Variants in ARAP2 observed in about 807,000 individuals in gnomAD.
ARAP2 encodes the protein arf-GAP with Rho-GAP domain, ANK repeat and PH domain-containing protein 2.
A neutral mutation model predicts 194.5 loss-of-function variants in ARAP2; 148 were observed. The ratio of observed to expected loss-of-function variants is 0.76; its 90% CI spans 0.67 to 0.87. The LOEUF (loss-of-function observed/expected upper bound fraction) is 0.87, where lower values mean the gene tolerates loss of function less well. ARAP2 is among the 40% of genes least tolerant of loss of function. The probability of loss-of-function intolerance (pLI) is 0.00; values close to 1 mark genes in which losing one functional copy is unlikely to be tolerated. For missense variants in ARAP2, 2,128 were observed against 1,989.7 expected (o/e 1.07, Z -1.32); for synonymous variants, 695 against 683.5 (o/e 1.02, Z -0.26).
intron 2 of ARAP2, 117 bp downstream of exon 2, chr4:36,228,465 T>G: frequency 9.2e-7 from 1 of 1,090,200 alleles, no homozygotes; most frequent in South Asian, 1.9e-5. Flanking sequence ...AAAGGTTGGT[T>G]GAATAGGTAA....
chr4:36,233,453 A>G (rs1223157590), intron 1 of ARAP2, among the ~76,000 whole-genome samples: 2 of 152,174 alleles, frequency 1.3e-5, no homozygotes, highest in African/African-American at 2.4e-5. Context: ...TGGTAATTAC[A>G]GTCCTAAGTT....
intron 9 of ARAP2, among the ~76,000 whole-genome samples, chr4:36,174,985 G>A (rs2109839838): frequency 6.6e-6 from 1 of 152,256 alleles, no homozygotes; most frequent in East Asian, 1.9e-4. Context: ...GTATAAATTA[G>A]AGGCAAGAAA....
intron 19 of ARAP2, among the ~76,000 whole-genome samples, chr4:36,144,715 CA>C (rs1195586042): frequency 1.3e-5 from 2 of 151,752 alleles, no homozygotes; most frequent in Non-Finnish European, 2.9e-5. Context: ...TAAAAATAAT[CA>C]AATGAAGGCT....
At chr4:36,095,677 A>T (rs1714970286) in intron 27 of ARAP2, among the ~76,000 whole-genome samples, 1 of 152,202 alleles carries the variant, frequency 6.6e-6, no homozygotes, top group African/African-American at 2.4e-5. Context: ...GTAACACAAA[A>T]ACATTTTGTG....
chr4:36,176,524 G>A (rs1456228984), intron 9 of ARAP2, among the ~76,000 whole-genome samples: 2 of 152,104 alleles, frequency 1.3e-5, no homozygotes, highest in Non-Finnish European at 2.9e-5. Context: ...TCAGGTCTAT[G>A]CAAGTATAAA....
intron 26 of ARAP2, 46 bp from the exon 27 acceptor site, chr4:36,107,739 A>C (rs1309151323): frequency 6.5e-7 from 1 of 1,528,632 alleles, no homozygotes; most frequent in East Asian, 2.3e-5. Flanking sequence ...TATGAGGATA[A>C]CAATTTTTTA....
intron 32 of ARAP2, among the ~76,000 whole-genome samples, chr4:36,069,388 A>C (rs1472611333): frequency 6.6e-6 from 1 of 152,202 alleles, no homozygotes; most frequent in Non-Finnish European, 1.5e-5. Context: ...ATATGTTAAA[A>C]TACTAAGAAA....
rs370508431 is a variant in ARAP2, at chr4:36,148,514, C to A, written c.2898-7G>T. 1.2e-6 allele frequency: 2 copies of A among 1,602,812 alleles called. No homozygotes were observed. The highest frequency in any genetic ancestry group is 1.3e-5 in the African/African-American group (1 of 74,518). The stretch of plus-strand genomic sequence containing the variant: ...CTCAAAGATAAAGATGGGCCTAAAA[C>A]ATGCACAAATAAAAAGATACTACCA... On this transcript the variant is annotated splice_polypyrimidine_tract_variant and splice_region_variant and intron_variant, in intron 16 of 32. Transcript: ENST00000303965.
intron 9 of ARAP2, among the ~76,000 whole-genome samples, chr4:36,012,288 G>C (rs1429954157): frequency 6.6e-6 from 1 of 152,060 alleles, no homozygotes; most frequent in Non-Finnish European, 1.5e-5. Flanking sequence ...TTGGACCTTA[G>C]GTCAATAAAT....
At chr4:36,008,986 A>G (rs1713879053) in intron 9 of ARAP2, among the ~76,000 whole-genome samples, 1 of 152,202 alleles carries the variant, frequency 6.6e-6, no homozygotes, top group South Asian at 2.1e-4. Flanking sequence ...ACAAATCAAT[A>G]CCACAGTGAG....
chr4:36,143,535 T>C (rs189669241), intron 19 of ARAP2, among the ~76,000 whole-genome samples: 3 of 151,710 alleles, frequency 2.0e-5, no homozygotes. Flanking sequence ...CAATACCATA[T>C]AGGCAAAAGA....
intron 30 of ARAP2, among the ~76,000 whole-genome samples, chr4:36,081,263 G>A (rs529204683): frequency 3.9e-5 from 6 of 152,102 alleles, no homozygotes; most frequent in Non-Finnish European, 8.8e-5. Flanking sequence ...ATTAGATAAG[G>A]CTTTGGGGCA....
intron 2 of ARAP2, among the ~76,000 whole-genome samples, chr4:36,052,460 C>A (rs372188602): frequency 5.3e-5 from 8 of 152,118 alleles, no homozygotes; most frequent in African/African-American, 1.7e-4. Context: ...TAGCTACATA[C>A]GAAAAGGCAG....
chr4:36,107,973 T>A (rs1718862525), intron 26 of ARAP2, among the ~76,000 whole-genome samples: 1 of 151,716 alleles, frequency 6.6e-6, no homozygotes, highest in South Asian at 2.1e-4. Flanking sequence ...GTACTTTTGA[T>A]AAAAATCTCA....
At chr4:36,113,028 A>G (rs1422224525) in intron 26 of ARAP2, among the ~76,000 whole-genome samples, 1 of 151,972 alleles carries the variant, frequency 6.6e-6, no homozygotes, top group Non-Finnish European at 1.5e-5. Context: ...AGAATCTACA[A>G]AAGAGGTAAA....
At chr4:36,239,305 CCTGA>C (rs1412722152) in intron 1 of ARAP2, among the ~76,000 whole-genome samples, 2 of 151,610 alleles carry the variant, frequency 1.3e-5, no homozygotes, top group Non-Finnish European at 2.9e-5. Flanking sequence ...AAAAAAGATA[CCTGA>C]CTATGATCTT....
rs969308629 is a variant in ARAP2 at position 36,159,341 on chromosome 4, G to A, written c.2607C>T (p.Asn869=). The A allele has an allele frequency of 6.3e-7, 1 of 1,599,852 alleles. No homozygotes were observed. Among genetic ancestry groups the A allele is most frequent in the Admixed American group, 1.7e-5 (1 of 58,786 alleles). The change falls in exon 14 of 33, where the codon AAC becomes AAT. Residue 869 remains asparagine, a synonymous_variant. Transcript: ENST00000303965. The part of the protein sequence containing the change: ...QSLQMEFLYH[N]KFSDFPQHDI... ...GAGACAGTGACGAACCTGAGAATTT[G>A]TTATGGTAGAGAAATTCCATTTGCA...
At chr4:36,092,481 T>C (rs10000381) in intron 27 of ARAP2, among the ~76,000 whole-genome samples, 2,170 of 152,136 alleles carry the variant, frequency 0.014, 43 homozygotes, top group African/African-American at 0.049. Flanking sequence ...TGGTGGCACA[T>C]GCCTGTAGTC....
At chr4:36,060,283 G>A (rs1724214032) in intron 1 of ARAP2, among the ~76,000 whole-genome samples, 2 of 152,162 alleles carry the variant, frequency 1.3e-5, no homozygotes, top group Admixed American at 1.3e-4. Context: ...ATCGTTGCTG[G>A]AAGAGTGGCC....
Sources: allele counts gnomAD v4.1 joint callset (sites outside exome capture counted in the v4.1 genomes callset), GRCh38; gene constraint gnomAD v4.1.1; transcripts MANE v1.5; gene names NCBI Gene and HGNC (gene_info 2026-07-23, HGNC 2026-07-21).